The following DPF3 variants were observed in gnomAD, a reference collection of about 807,000 sequenced individuals.
The protein encoded by DPF3 is zinc finger protein DPF3.
In DPF3, 18 loss-of-function variants were observed where a neutral mutation model predicts 56.8. The observed-to-expected ratio is 0.32, with a 90% CI of 0.22 to 0.47. The LOEUF is 0.47. DPF3 is among the 20% of genes least tolerant of loss of function. DPF3 has a pLI of 1.00. For synonymous variants in DPF3, 188 were observed against 180.2 expected, an observed-to-expected ratio of 1.04 and a Z score of -0.35; for missense variants, 403 against 488.8, an observed-to-expected ratio of 0.82 and a Z score of 1.65.
chr14:72,679,961 C>T (rs1214779109), intron 7 of DPF3, among the ~76,000 whole-genome samples: 7 of 152,196 alleles, frequency 4.6e-5, no homozygotes, highest in Non-Finnish European at 1.0e-4. Context: ...CAGGAGCAAG[C>T]CTCAGCTGGA....
At chr14:72,707,602 G>A (rs1339341567) in intron 6 of DPF3, among the ~76,000 whole-genome samples, 3 of 152,162 alleles carry the variant, frequency 2.0e-5, no homozygotes, top group Non-Finnish European at 2.9e-5. Flanking sequence ...ACAGAAAGAT[G>A]TTCCTGATGT....
chr14:72,702,701 A>G (rs993538208), intron 6 of DPF3, among the ~76,000 whole-genome samples: 8 of 152,152 alleles, frequency 5.3e-5, no homozygotes, highest in Non-Finnish European at 8.8e-5. Flanking sequence ...CAACTGAGAA[A>G]AGCCCTGTGT....
chr14:72,621,231 T>C (rs1273280022), intron 9 of DPF3, among the ~76,000 whole-genome samples: 1 of 152,182 alleles, frequency 6.6e-6, no homozygotes, highest in Non-Finnish European at 1.5e-5. Context: ...ATCCCCTTTA[T>C]GGACTATAAA....
chr14:72,692,546 T>G (rs1329716641), intron 7 of DPF3, among the ~76,000 whole-genome samples: 1 of 152,232 alleles, frequency 6.6e-6, no homozygotes, highest in African/African-American at 2.4e-5. Context: ...ATTTGAATGC[T>G]GAAGCAAAGA....
chr14:72,773,324 G>C (rs900477002), intron 1 of DPF3, among the ~76,000 whole-genome samples: 25 of 151,966 alleles, frequency 1.6e-4, no homozygotes, highest in African/African-American at 5.8e-4. Flanking sequence ...AGTAGAGACA[G>C]AGTTTCACTA....
chr14:72,781,122 T>C (rs1891952541), intron 1 of DPF3, among the ~76,000 whole-genome samples: 1 of 152,224 alleles, frequency 6.6e-6, no homozygotes, highest in Admixed American at 6.5e-5. Flanking sequence ...CATGTTTGAA[T>C]GGCAGAGCTG....
intron 1 of DPF3, among the ~76,000 whole-genome samples, chr14:72,805,588 G>T (rs1049879126): frequency 2.6e-5 from 4 of 151,962 alleles, no homozygotes; most frequent in Non-Finnish European, 5.9e-5. Context: ...GCTCACACCT[G>T]TAATTCCAGC....
rs576280833 is a variant in DPF3, at chr14:72,836,265, C to T, written c.32+57792G>A. 1.0e-5 allele frequency: 10 copies of T among 985,658 alleles called. No homozygotes were observed. In the African/African-American group the frequency reaches 1.6e-4, roughly 15 times the overall value. The allele number at this position is 985,658 out of a possible 1,614,324, so 61.1% of individuals were successfully genotyped here. A position where few individuals can be genotyped will look rare whatever the true frequency, so the allele number is the denominator to read the frequency against. ...TCCCTCTCCAGTGATATGCTTCCCT[C>T]ACTCTCCCATTTTGCTCCCTCTCTC... On this transcript the variant is annotated intron_variant, in intron 1 of 10. Transcript: ENST00000556509.
intron 1 of DPF3, among the ~76,000 whole-genome samples, chr14:72,780,684 A>G (rs79500422): frequency 6.6e-6 from 1 of 152,218 alleles, no homozygotes; most frequent in Non-Finnish European, 1.5e-5. Flanking sequence ...CCTTAAAAAA[A>G]GGTCACTTCA....
chr14:72,661,835 G>A (rs1886224685), intron 8 of DPF3: 3 of 979,956 alleles, frequency 3.1e-6, no homozygotes, highest in Non-Finnish European at 3.6e-6. Flanking sequence ...TATCACCTCA[G>A]CTGATGCTTT....
At chr14:72,864,296 C>T (rs938177270) in intron 1 of DPF3, among the ~76,000 whole-genome samples, 1 of 152,084 alleles carries the variant, frequency 6.6e-6, no homozygotes, top group Non-Finnish European at 1.5e-5. Context: ...TCAGTGAAGC[C>T]ACCTCTCGCA....
At chr14:72,876,204 C>T (rs1286876371) in intron 1 of DPF3, among the ~76,000 whole-genome samples, 1 of 152,216 alleles carries the variant, frequency 6.6e-6, no homozygotes, top group Non-Finnish European at 1.5e-5. Context: ...TGGCCTGTAG[C>T]TGACAGGATT....
chr14:72,759,472 C>A (rs1050477061), intron 2 of DPF3, among the ~76,000 whole-genome samples: 1 of 150,566 alleles, frequency 6.6e-6, no homozygotes, highest in African/African-American at 2.4e-5. Context: ...AGTTTGAGAG[C>A]AGCCTGGGCA....
rs536303506 is a variant in DPF3 at position 72,888,046 on chromosome 14, G to A, written c.32+6011C>T. On this transcript the variant is annotated intron_variant, in intron 1 of 10. Transcript: ENST00000556509. ...TCAGAGAGGGAGGAGAGGGTGCAAA[G>A]TGGGGATTAGACATGTGCCAGCATT... is the stretch of plus-strand genomic sequence containing the variant. Among the ~76,000 whole-genome samples the A allele has an allele frequency of 3.3e-5, 5 of 152,230 alleles. No homozygotes were observed. The South Asian group carries it at 1.0e-3, about 32-fold the overall frequency.
In DPF3 at chr14:72,846,328, CTTTTTTT is replaced by C. The variant is rs10563066; in HGVS notation, c.32+47722_32+47728del. Among the ~76,000 whole-genome samples, 427 of 62,480 alleles carry C rather than the reference CTTTTTTT, an allele frequency of 6.8e-3. 2 individuals are homozygous for C. Among genetic ancestry groups the C allele is most frequent in the African/African-American group, 0.029 (399 of 13,974 alleles). 41.0% of individuals were successfully genotyped at this position (62,480 alleles called of 152,430 possible). ...GTTTCACCATGTTGGCCAGGCTAGT[CTTTTTTT>C]TTTTTTTTTTTTTTTTTTGAGACGG... On this transcript the variant is annotated intron_variant, in intron 1 of 10. Transcript: ENST00000556509.
intron 1 of DPF3, among the ~76,000 whole-genome samples, chr14:72,891,234 T>C (rs552788997): frequency 9.1e-4 from 139 of 151,980 alleles, no homozygotes; most frequent in African/African-American, 3.2e-3. Context: ...CCCAACACAT[T>C]AACTACCACC....
chr14:72,690,560 GCA>G (rs778758381), intron 7 of DPF3, among the ~76,000 whole-genome samples: 6 of 149,076 alleles, frequency 4.0e-5, no homozygotes, highest in Non-Finnish European at 7.4e-5. Flanking sequence ...ACACATGCAC[GCA>G]CACACACAAC....
intron 8 of DPF3, among the ~76,000 whole-genome samples, chr14:72,658,336 A>C (rs1356051276): frequency 6.6e-6 from 1 of 152,202 alleles, no homozygotes. Context: ...TAAAATACTT[A>C]CAAGGTTAAT....
At chr14:72,836,515 C>A in intron 1 of DPF3, 2 of 985,386 alleles carry the variant, frequency 2.0e-6, no homozygotes, top group Non-Finnish European at 2.4e-6. Context: ...CTGACCACCT[C>A]GTGGGGAGAT....
Sources: allele counts gnomAD v4.1 joint callset (sites outside exome capture counted in the v4.1 genomes callset), GRCh38; gene constraint gnomAD v4.1.1; transcripts MANE v1.5; gene names NCBI Gene and HGNC (gene_info 2026-07-23, HGNC 2026-07-21).